Variants in FAM167A observed in about 807,000 individuals in gnomAD.
The protein encoded by FAM167A is protein FAM167A.
A neutral mutation model predicts 14.9 loss-of-function variants in FAM167A; 23 were observed. The ratio of observed to expected loss-of-function variants is 1.55; its 90% CI spans 1.11 to 2.19. The LOEUF (loss-of-function observed/expected upper bound fraction) is 2.19, where lower values mean the gene tolerates loss of function less well. FAM167A is among the 30% of genes most tolerant of loss of function. The pLI is 0.00. For synonymous variants in FAM167A, 174 were observed against 117.7 expected (o/e 1.48, Z -3.10); for missense variants, 401 against 281.5 (o/e 1.42, Z -3.04).
At chr8:11,445,189 T>C in intron 1 of FAM167A, 2 of 984,662 alleles carry the variant, frequency 2.0e-6, no homozygotes, top group Non-Finnish European at 2.4e-6. Flanking sequence ...GCTCAGGCTG[T>C]CTGAATCTGA....
At chr8:11,436,984 A>G (rs1202440169) in intron 2 of FAM167A, among the ~76,000 whole-genome samples, 1 of 152,192 alleles carries the variant, frequency 6.6e-6, no homozygotes, top group Non-Finnish European at 1.5e-5. Flanking sequence ...CTGCGCCTCC[A>G]AAGGGAAGTG....
At chr8:11,445,111 G>C in intron 1 of FAM167A, 1 of 981,980 alleles carries the variant, frequency 1.0e-6, no homozygotes, top group East Asian at 1.1e-4. Context: ...TTTCACACAC[G>C]AGGAACCCAC....
At chr8:11,425,441 C>T (rs895056464) in intron 2 of FAM167A, among the ~76,000 whole-genome samples, 7 of 152,162 alleles carry the variant, frequency 4.6e-5, no homozygotes, top group African/African-American at 9.7e-5. Flanking sequence ...TGCTCAAGGA[C>T]GAGCTGCAGT....
At chr8:11,433,623 G>T (rs917188048) in intron 2 of FAM167A, among the ~76,000 whole-genome samples, 1 of 152,190 alleles carries the variant, frequency 6.6e-6, no homozygotes, top group Non-Finnish European at 1.5e-5. Context: ...CCTGGAGAGC[G>T]TGGTAATCAG....
chr8:11,453,073 C>T (rs1192866254), intron 1 of FAM167A, among the ~76,000 whole-genome samples: 1 of 152,228 alleles, frequency 6.6e-6, no homozygotes, highest in South Asian at 2.1e-4. Flanking sequence ...ACGCTGTCCC[C>T]TTCTCCACAA....
At chr8:11,473,737 C>T (rs1797784789) in intron 1 of FAM167A, among the ~76,000 whole-genome samples, 1 of 152,174 alleles carries the variant, frequency 6.6e-6, no homozygotes, top group Non-Finnish European at 1.5e-5. Context: ...TACACATTGG[C>T]AGTACCAAGA....
At chr8:11,466,320 G>C (rs144314031) in intron 1 of FAM167A, among the ~76,000 whole-genome samples, 7 of 152,220 alleles carry the variant, frequency 4.6e-5, no homozygotes, top group East Asian at 1.9e-4. Context: ...CCTCTCAGAC[G>C]GCAGACCCCG....
chr8:11,471,280 G>A (rs142583454), upstream of FAM167A, among the ~76,000 whole-genome samples: 29 of 152,322 alleles, frequency 1.9e-4, no homozygotes, highest in African/African-American at 5.8e-4. Context: ...GAGGAGTGGC[G>A]GGCACAAGGG....
At chr8:11,438,628 T>G in intron 2 of FAM167A, 4 of 413,708 alleles carry the variant, frequency 9.7e-6, no homozygotes, top group South Asian at 7.1e-5. Context: ...ATATTACCAC[T>G]CAGAAATAAA....
chr8:11,427,349 T>C (rs981166716), intron 2 of FAM167A, among the ~76,000 whole-genome samples: 20 of 152,194 alleles, frequency 1.3e-4, no homozygotes, highest in African/African-American at 4.6e-4. Context: ...CAGAGCGCCT[T>C]CTGTAAGCAG....
At chr8:11,426,993 A>G (rs1271325568) in intron 2 of FAM167A, among the ~76,000 whole-genome samples, 2 of 152,224 alleles carry the variant, frequency 1.3e-5, no homozygotes, top group Non-Finnish European at 2.9e-5. Flanking sequence ...GTGAAATTCA[A>G]CAGAACTGTT....
intron 2 of FAM167A, among the ~76,000 whole-genome samples, chr8:11,434,356 A>ACT (rs1452606744): frequency 6.6e-6 from 1 of 151,942 alleles, no homozygotes; most frequent in African/African-American, 2.4e-5. Context: ...TGTGGATGGG[A>ACT]GGGGGGCAGG....
In FAM167A at chr8:11,444,791, G is replaced by A. The variant is rs991270199; in HGVS notation, c.-380C>T. On this transcript the variant is annotated 5_prime_UTR_variant, in exon 2 of 3. Coordinates refer to ENST00000284486, the MANE Select transcript of FAM167A (RefSeq NM_053279.3). ...CCCAGAGCTCTCTCTTCTCGGGAAG[G>A]GCAGGTGGCTGGAGACCCTGTGGGA... 3 of 1,009,258 alleles carry A rather than the reference G, an allele frequency of 3.0e-6. No homozygotes were observed. The highest frequency in any genetic ancestry group is 1.7e-5 in the African/African-American group (1 of 57,964). The allele number at this position is 1,009,258 out of a possible 1,614,324, so 62.5% of individuals were successfully genotyped here. A position where few individuals can be genotyped will look rare whatever the true frequency, so the allele number is the denominator to read the frequency against.
chr8:11,470,283 G>C (rs1322227253), upstream of FAM167A, among the ~76,000 whole-genome samples: 3 of 152,148 alleles, frequency 2.0e-5, no homozygotes, highest in Non-Finnish European at 4.4e-5. Flanking sequence ...AGATTTGAGG[G>C]AGACGATGGA....
At chr8:11,461,310 G>C (rs985846495) in intron 1 of FAM167A, among the ~76,000 whole-genome samples, 8 of 152,250 alleles carry the variant, frequency 5.3e-5, no homozygotes, top group African/African-American at 1.9e-4. Context: ...GTAGCCATGG[G>C]AAAAAAAGAG....
chr8:11,444,763 A>T lies in FAM167A; in HGVS notation c.-352T>A. 1 of 1,027,474 alleles carries T rather than the reference A, an allele frequency of 9.7e-7. No homozygotes were observed. Among genetic ancestry groups the T allele is most frequent in the Non-Finnish European group, 1.2e-6 (1 of 857,522 alleles). The allele number at this position is 1,027,474 out of a possible 1,614,324, so 63.6% of individuals were successfully genotyped here. ...CTCGAAGACCAGACTGGCAGGAAGAAGGCCCAGAGCTCTCTCTTCTCGGGA... is the reference window on the plus strand; with the variant it reads ...CTCGAAGACCAGACTGGCAGGAAGATGGCCCAGAGCTCTCTCTTCTCGGGA... On this transcript the variant is annotated 5_prime_UTR_variant, in exon 2 of 3. Coordinates refer to ENST00000284486, the MANE Select transcript of FAM167A (RefSeq NM_053279.3).
chr8:11,460,273 G>C (rs949706715), intron 1 of FAM167A, among the ~76,000 whole-genome samples: 1 of 152,262 alleles, frequency 6.6e-6, no homozygotes, highest in Non-Finnish European at 1.5e-5. Flanking sequence ...ATGGGAGCGG[G>C]AGAAACATTT....
At chr8:11,472,905 G>A (rs1808004364) in intron 1 of FAM167A, among the ~76,000 whole-genome samples, 1 of 152,244 alleles carries the variant, frequency 6.6e-6, no homozygotes, top group Admixed American at 6.5e-5. Flanking sequence ...GCCGGACCAG[G>A]AACTGTCAAT....
At chr8:11,463,539 G>A (rs754768668) in intron 1 of FAM167A, among the ~76,000 whole-genome samples, 14 of 152,212 alleles carry the variant, frequency 9.2e-5, no homozygotes, top group Admixed American at 1.3e-4. Flanking sequence ...AGAAGGCCTG[G>A]AACTGTAGCC....
Sources: gnomAD v4.1 joint callset for allele counts (sites outside exome capture counted in the v4.1 genomes callset) on GRCh38, gnomAD v4.1.1 for gene constraint, MANE v1.5 for transcripts, NCBI Gene and HGNC (gene_info 2026-07-23, HGNC 2026-07-21) for gene names.